The following NDUFC2 variants were observed in gnomAD, a reference collection of about 807,000 sequenced individuals.
NDUFC2 encodes the protein NADH dehydrogenase [ubiquinone] 1 subunit C2.
In NDUFC2, 2 loss-of-function variants were observed where a neutral mutation model predicts 10.1. The ratio of observed to expected loss-of-function variants is 0.20; its 90% confidence interval spans 0.08 to 0.62. The LOEUF is 0.62. Ranked by LOEUF, NDUFC2 falls within the 20% of genes least tolerant of loss-of-function variation. The probability of loss-of-function intolerance (pLI) is 0.87; values close to 1 mark genes in which losing one functional copy is unlikely to be tolerated. For synonymous variants in NDUFC2, 61 were observed against 63.6 expected, an observed-to-expected ratio of 0.96 and a Z score of 0.20; for missense variants, 156 against 159.6, an observed-to-expected ratio of 0.98 and a Z score of 0.12.
intron 1 of NDUFC2, among the ~76,000 whole-genome samples, chr11:78,073,971 A>C (rs983823327): frequency 6.6e-6 from 1 of 151,710 alleles, no homozygotes; most frequent in Non-Finnish European, 1.5e-5. Context: ...TCCTAGGCTC[A>C]AGCAATCCTC....
chr11:78,070,127 T>C (rs689195), intron 2 of NDUFC2, 91 bp from the exon 3 acceptor site: 748,799 of 888,376 alleles, frequency 0.84, 316,408 homozygotes, highest in Admixed American at 0.9. Context: ...ACTAATCTTA[T>C]GATTGAAATC....
chr11:78,076,661 T>C (rs1002200536), intron 1 of NDUFC2, among the ~76,000 whole-genome samples: 3 of 152,308 alleles, frequency 2.0e-5, no homozygotes, highest in South Asian at 2.1e-4. Context: ...TCCTCAGAGA[T>C]AGGTAACTTC....
chr11:78,078,728 CT>C lies in NDUFC2; in HGVS notation c.166+850del, dbSNP rs71046953. Among the ~76,000 whole-genome samples, 109 of 61,612 alleles carry C rather than the reference CT, an allele frequency of 1.8e-3. 7 individuals are homozygous for C. The South Asian group carries it at 0.032, about 18-fold the overall frequency. The allele number at this position is 61,612 out of a possible 152,430, so 40.4% of individuals were successfully genotyped here. On this transcript the variant is annotated intron_variant, in intron 1 of 2. Transcript: ENST00000281031. ...CCCAGACCTCATGAATCAGGATCCGCTTTTTTTTTTTTTTTGAGACAGGGTC... is the reference window on the plus strand; with the variant it reads ...CCCAGACCTCATGAATCAGGATCCGCTTTTTTTTTTTTTTGAGACAGGGTC...
chr11:78,071,661 GA>G (rs1368502095), intron 2 of NDUFC2, among the ~76,000 whole-genome samples: 4 of 152,180 alleles, frequency 2.6e-5, no homozygotes, highest in African/African-American at 9.7e-5. Flanking sequence ...ACACAGGTGA[GA>G]AAAGTTATAT....
chr11:78,074,638 T>G (rs1859163752), intron 1 of NDUFC2, among the ~76,000 whole-genome samples: 1 of 151,574 alleles, frequency 6.6e-6, no homozygotes, highest in African/African-American at 2.4e-5. Context: ...AAAAGACCTA[T>G]CCTATCTTTC....
chr11:78,077,197 T>C (rs1859284567), intron 1 of NDUFC2, among the ~76,000 whole-genome samples: 2 of 151,414 alleles, frequency 1.3e-5, no homozygotes, highest in African/African-American at 4.9e-5. Flanking sequence ...AAGGCTAGGA[T>C]AGGAGGATCG....
intron 2 of NDUFC2, among the ~76,000 whole-genome samples, chr11:78,070,803 G>A (rs1357628514): frequency 1.3e-5 from 2 of 152,186 alleles, no homozygotes; most frequent in Non-Finnish European, 2.9e-5. Flanking sequence ...CACTGTCTGT[G>A]CATGAGGCTC....
At chr11:78,073,611 A>G (rs1057331097) in intron 1 of NDUFC2, among the ~76,000 whole-genome samples, 7 of 151,818 alleles carry the variant, frequency 4.6e-5, no homozygotes, top group African/African-American at 1.5e-4. Flanking sequence ...GTACAAGACC[A>G]GTTCACATGG....
chr11:78,079,090 G>A, intron 1 of NDUFC2, among the ~76,000 whole-genome samples: 1 of 132,252 alleles, frequency 7.6e-6, no homozygotes, highest in Non-Finnish European at 1.5e-5. Context: ...AGAAGCACTG[G>A]TGTCCAATAT....
chr11:78,077,653 T>C (rs1859309599), intron 1 of NDUFC2, among the ~76,000 whole-genome samples: 1 of 152,074 alleles, frequency 6.6e-6, no homozygotes, highest in Non-Finnish European at 1.5e-5. Context: ...CCTCCTGGGC[T>C]CAAGTGATTC....
At chr11:78,075,045 C>T (rs1231066434) in intron 1 of NDUFC2, among the ~76,000 whole-genome samples, 1 of 152,228 alleles carries the variant, frequency 6.6e-6, no homozygotes, top group Non-Finnish European at 1.5e-5. Flanking sequence ...CTGCACACCC[C>T]ATCTACAATC....
At chr11:78,079,129 C>G (rs1428771553) in intron 1 of NDUFC2, among the ~76,000 whole-genome samples, 1 of 95,298 alleles carries the variant, frequency 1.0e-5, no homozygotes, top group East Asian at 2.8e-4. Flanking sequence ...AAAAAAAAAC[C>G]AAGCTCTGCT....
At position 78,068,671 on chromosome 11, in the gene NDUFC2, G is replaced by A. The variant is rs1414308022; in HGVS notation, c.*1316C>T. Reference sequence around the variant, plus strand: ...GTCGTGGCATGCACCTGTAGTCCCAGCTACTCGGGAGGCTGAGGCAGGAGA... The same window carrying A: ...GTCGTGGCATGCACCTGTAGTCCCAACTACTCGGGAGGCTGAGGCAGGAGA... On this transcript the variant is annotated 3_prime_UTR_variant, in exon 3 of 3. Transcript: ENST00000281031. The A allele has an allele frequency of 1.3e-5, 2 of 151,846 alleles. No homozygotes were observed. Among genetic ancestry groups the A allele is most frequent in the Non-Finnish European group, 2.9e-5 (2 of 68,034 alleles). 9.4% of individuals were successfully genotyped at this position (151,846 alleles called of 1,614,324 possible).
intron 1 of NDUFC2, among the ~76,000 whole-genome samples, chr11:78,074,054 CT>C (rs11290652): frequency 0.46 from 67,670 of 147,240 alleles, 15,535 homozygotes; most frequent in African/African-American, 0.48. Context: ...TTCTTTCTTT[CT>C]TTTTTTTTTA....
At chr11:78,071,383 AGTCAAT>A (rs1473216235) in intron 2 of NDUFC2, among the ~76,000 whole-genome samples, 1 of 151,678 alleles carries the variant, frequency 6.6e-6, no homozygotes, top group Non-Finnish European at 1.5e-5. Context: ...CAGCCTCCCA[AGTCAAT>A]GGGTCTATAG....
intron 2 of NDUFC2, among the ~76,000 whole-genome samples, chr11:78,070,303 T>C (rs1858947845): frequency 6.6e-6 from 1 of 152,118 alleles, no homozygotes; most frequent in South Asian, 2.1e-4. Flanking sequence ...TCTTCTACCA[T>C]GTGAGGACAC....
intron 1 of NDUFC2, among the ~76,000 whole-genome samples, chr11:78,073,784 G>A (rs1249217767): frequency 1.2e-4 from 16 of 136,498 alleles, no homozygotes; most frequent in African/African-American, 3.4e-4. Flanking sequence ...CCTGGGGGAC[G>A]GAGTGAGGCT....
intron 1 of NDUFC2, among the ~76,000 whole-genome samples, chr11:78,076,400 C>T (rs1036324166): frequency 2.0e-5 from 3 of 152,228 alleles, no homozygotes; most frequent in Non-Finnish European, 4.4e-5. Flanking sequence ...CCTCAGCCTC[C>T]CAAAATGTTG....
At chr11:78,071,862 C>A (rs1256262980) in intron 2 of NDUFC2, among the ~76,000 whole-genome samples, 1 of 152,134 alleles carries the variant, frequency 6.6e-6, no homozygotes, top group Non-Finnish European at 1.5e-5. Flanking sequence ...TAATATAGGG[C>A]AGGTTCGGGA....
Sources: gnomAD v4.1 joint callset for allele counts (sites outside exome capture counted in the v4.1 genomes callset) on GRCh38, gnomAD v4.1.1 for gene constraint, MANE v1.5 for transcripts, NCBI Gene and HGNC (gene_info 2026-07-23, HGNC 2026-07-21) for gene names.